The following CACNA1C variants were observed in gnomAD, a reference collection of about 807,000 sequenced individuals.
CACNA1C encodes calcium voltage-gated channel subunit alpha1 C.
CACNA1C carries 30 observed loss-of-function variants against 229.0 expected under a neutral mutation model. That is an observed-to-expected ratio of 0.13 (90% confidence interval 0.10 to 0.18). The LOEUF is 0.18. Ranked by LOEUF, CACNA1C falls within the 10% of genes least tolerant of loss-of-function variation. CACNA1C has a pLI of 1.00. For missense variants in CACNA1C, 1,658 were observed against 2,845.0 expected (o/e 0.58, Z 9.49); for synonymous variants, 1,114 against 1,132.5 (o/e 0.98, Z 0.33).
In CACNA1C at chr12:2,694,685, C is replaced by G. The variant is rs1279221050; in HGVS notation, c.*3486C>G. ...TACTTTCTCCCAGCTTTTCTCCACC[C>G]AGCATGTCTCCTGCCCATGCAGCTG... is the stretch of plus-strand genomic sequence containing the variant. On this transcript the variant is annotated 3_prime_UTR_variant, in exon 47 of 47. Coordinates refer to ENST00000399655, the MANE Select transcript of CACNA1C (RefSeq NM_000719.7). The G allele has an allele frequency of 6.6e-6, 1 of 152,274 alleles. No individual in the cohort carries two copies. Among genetic ancestry groups the G allele is most frequent in the South Asian group, 2.1e-4 (1 of 4,834 alleles). 9.4% of individuals were successfully genotyped at this position (152,274 alleles called of 1,614,324 possible).
chr12:2,117,476 G>C (rs2084444545), intron 2 of CACNA1C, among the ~76,000 whole-genome samples: 2 of 152,192 alleles, frequency 1.3e-5, no homozygotes, highest in South Asian at 4.1e-4. Flanking sequence ...GAGTGGGAGA[G>C]CTGAGGGCCC....
intron 9 of CACNA1C, among the ~76,000 whole-genome samples, chr12:2,539,157 C>T (rs1054914378): frequency 6.6e-6 from 1 of 152,178 alleles, no homozygotes; most frequent in Non-Finnish European, 1.5e-5. Context: ...AGGGGTATGT[C>T]GGTCAGTGTC....
intron 3 of CACNA1C, among the ~76,000 whole-genome samples, chr12:2,322,472 A>G (rs2096057723): frequency 6.6e-6 from 1 of 152,200 alleles, no homozygotes; most frequent in South Asian, 2.1e-4. Flanking sequence ...GTGGCGCTGT[A>G]CAGTCATGAA....
At chr12:2,372,045 G>A (rs950527213) in intron 3 of CACNA1C, among the ~76,000 whole-genome samples, 2 of 152,110 alleles carry the variant, frequency 1.3e-5, no homozygotes, top group African/African-American at 4.8e-5. Context: ...GTTTTGTTTT[G>A]TTGGTTGGTT....
intron 4 of CACNA1C, among the ~76,000 whole-genome samples, chr12:2,455,521 A>T (rs1410578583): frequency 6.6e-6 from 1 of 152,164 alleles, no homozygotes. Context: ...TTACTTTTTA[A>T]TGTGGCTCCT....
At chr12:2,483,546 A>G (rs995083641) in intron 5 of CACNA1C, among the ~76,000 whole-genome samples, 3 of 152,178 alleles carry the variant, frequency 2.0e-5, no homozygotes, top group African/African-American at 7.2e-5. Flanking sequence ...CTCTATAATA[A>G]GTATTTTCTG....
At chr12:2,466,717 C>T (rs555688368) in intron 5 of CACNA1C, among the ~76,000 whole-genome samples, 3 of 152,222 alleles carry the variant, frequency 2.0e-5, no homozygotes, top group Non-Finnish European at 4.4e-5. Flanking sequence ...TTCACCCGGA[C>T]AAGCCTGGAG....
chr12:2,212,178 CAAAG>C (rs1390336853), intron 3 of CACNA1C, among the ~76,000 whole-genome samples: 1 of 152,084 alleles, frequency 6.6e-6, no homozygotes, highest in Non-Finnish European at 1.5e-5. Flanking sequence ...GATGGTGAAA[CAAAG>C]AATGAATTTT....
rs951478979 is a variant in CACNA1C at position 2,649,167 on chromosome 12, T to C, written c.3945+660T>C. Among the ~76,000 whole-genome samples the C allele has an allele frequency of 1.3e-5, 2 of 152,160 alleles. No individual in the cohort carries two copies. Among genetic ancestry groups the C allele is most frequent in the African/African-American group, 4.8e-5 (2 of 41,444 alleles). On this transcript the variant is annotated intron_variant, in intron 31 of 46. Coordinates refer to ENST00000399655, the MANE Select transcript of CACNA1C (RefSeq NM_000719.7). This position sits in a 1 kb window ranked among gnomAD's most constrained non-coding sequence, Gnocchi z 4.4. Reference sequence around the variant, plus strand: ...GCAAGCTGGAAGCAGAAAAACAAGCTCCGTTGATTGGACCACTCCTGTTGT... The same window carrying C: ...GCAAGCTGGAAGCAGAAAAACAAGCCCCGTTGATTGGACCACTCCTGTTGT...
At position 2,686,386 on chromosome 12, in the gene CACNA1C, G is replaced by A. The variant is rs145358012; in HGVS notation, c.5784+117G>A. 472 of 843,312 alleles carry A rather than the reference G, an allele frequency of 5.6e-4. 2 individuals carry two copies. The highest frequency in any genetic ancestry group is 1.7e-3 in the Middle Eastern group (5 of 2,940). The allele number at this position is 843,312 out of a possible 1,614,324, so 52.2% of individuals were successfully genotyped here. On this transcript the variant is annotated intron_variant, in intron 45 of 46. Transcript: ENST00000399655. ...CTTGCCTGTCTCAGATGGCTGGCAC[G>A]TCCTGCCCCTGCCCTAAGAGCCATC...
chr12:2,307,852 A>G (rs1407099489), intron 3 of CACNA1C, among the ~76,000 whole-genome samples: 4 of 152,330 alleles, frequency 2.6e-5, no homozygotes, highest in Non-Finnish European at 5.9e-5. Flanking sequence ...ATTGCAGACT[A>G]TGAAAAGTAA....
chr12:2,683,216 A>G (rs951664353), intron 43 of CACNA1C, among the ~76,000 whole-genome samples: 1 of 152,196 alleles, frequency 6.6e-6, no homozygotes, highest in Non-Finnish European at 1.5e-5. Flanking sequence ...GTCACTAATG[A>G]CTAGCCCTTA....
chr12:2,280,302 AC>A (rs1415770491), intron 3 of CACNA1C, among the ~76,000 whole-genome samples: 4 of 75,918 alleles, frequency 5.3e-5, no homozygotes, highest in African/African-American at 3.6e-4. Context: ...ACCTCTTGAT[AC>A]CTTGCTGTGC....
chr12:2,550,619 T>C, intron 10 of CACNA1C: 1 of 1,351,310 alleles, frequency 7.4e-7, no homozygotes, highest in South Asian at 1.1e-5. Context: ...CACCCTGGCC[T>C]CTGGAAGAAC....
At chr12:2,091,584 A>G (rs534146595) in intron 1 of CACNA1C, among the ~76,000 whole-genome samples, 1 of 137,506 alleles carries the variant, frequency 7.3e-6, no homozygotes, top group African/African-American at 3.6e-5. Flanking sequence ...TCTTCCGAGG[A>G]CCCTTGTGAT....
intron 43 of CACNA1C, among the ~76,000 whole-genome samples, chr12:2,684,979 G>A (rs10848685): frequency 0.16 from 24,391 of 151,532 alleles, 3,568 homozygotes; most frequent in African/African-American, 0.41. Flanking sequence ...TTGGAATGCA[G>A]CTGTGCTTCT....
intron 3 of CACNA1C, among the ~76,000 whole-genome samples, chr12:2,383,208 C>G (rs750552203): frequency 6.6e-6 from 1 of 152,158 alleles, no homozygotes; most frequent in Non-Finnish European, 1.5e-5. Context: ...ATGCAAGCAG[C>G]ACCTGTAGCA....
intron 3 of CACNA1C, among the ~76,000 whole-genome samples, chr12:2,279,566 G>T (rs556156543): frequency 1.8e-4 from 28 of 152,174 alleles, no homozygotes; most frequent in Non-Finnish European, 3.5e-4. Context: ...GTTTTGAAAA[G>T]CCCTTTCTAA....
intron 3 of CACNA1C, among the ~76,000 whole-genome samples, chr12:2,146,916 G>A (rs2094767580): frequency 6.6e-6 from 1 of 151,028 alleles, no homozygotes. Flanking sequence ...AAGCAGGGCT[G>A]AGTTAGGGGA....
Sources: allele counts gnomAD v4.1 joint callset (sites outside exome capture counted in the v4.1 genomes callset), GRCh38; gene constraint gnomAD v4.1.1; non-coding constraint Gnocchi (gnomAD v3.1); transcripts MANE v1.5; gene names NCBI Gene and HGNC (gene_info 2026-07-23, HGNC 2026-07-21).